The following TRIM72 variants were observed in gnomAD, a reference collection of about 807,000 sequenced individuals.
TRIM72 encodes the protein tripartite motif containing 72, also known as tripartite motif-containing protein 72.
TRIM72 carries 33 observed loss-of-function variants against 31.6 expected under a neutral mutation model. The ratio of observed to expected loss-of-function variants is 1.04; its 90% confidence interval spans 0.79 to 1.40. The LOEUF (loss-of-function observed/expected upper bound fraction) is 1.40. Ranked by LOEUF, TRIM72 falls within the 40% of genes most tolerant of loss-of-function variation. The pLI is 0.00. For missense variants in TRIM72, 666 were observed against 682.7 expected (o/e 0.98, Z 0.27); for synonymous variants, 301 against 314.4 (o/e 0.96, Z 0.45).
chr16:31,215,076 C>A lies in TRIM72; in HGVS notation c.338C>A (p.Ser113Ter). The A allele has an allele frequency of 6.9e-7, 1 of 1,455,086 alleles. No individual in the cohort carries two copies. The highest frequency in any genetic ancestry group is 9.0e-7 in the Non-Finnish European group (1 of 1,113,604). The allele number at this position is 1,455,086 out of a possible 1,614,324, so 90.1% of individuals were successfully genotyped here. Residue 113 changes from serine (S) to a stop codon, truncating the protein, a stop_gained, in exon 2 of 7, where the codon TCG (serine) becomes TAG (stop). Coordinates refer to ENST00000322122, the MANE Select transcript of TRIM72 (RefSeq NM_001008274.4). LOFTEE classifies it high-confidence loss of function. This position sits in a 1 kb window ranked among gnomAD's most constrained non-coding sequence, Gnocchi z 6.3. ...LVCGVCASLGSHRGHRLLPAA... is the reference protein window; with the variant it reads ...LVCGVCASLG ...TGCGGAGTGTGCGCCTCACTCGGCT[C>A]GCACCGCGGTCATCGCCTCCTGCCT...
rs775103425 is a variant in TRIM72 at position 31,216,770 on chromosome 16, G to A, written c.390+1642G>A. On this transcript the variant is annotated intron_variant, in intron 2 of 6. Coordinates refer to ENST00000322122, the MANE Select transcript of TRIM72 (RefSeq NM_001008274.4). The surrounding 1 kb of genome is among the most constrained non-coding windows in gnomAD (Gnocchi z 6.7). ...GCTCAGAGTGGCCCTCACGCAGCCC[G>A]CTGCAGCCGTGCGGCCTCCTCCAAC... 8 of 1,601,494 alleles carry A rather than the reference G, an allele frequency of 5.0e-6. No homozygotes were observed. In the South Asian group the frequency reaches 7.7e-5, roughly 15 times the overall value.
Position 31,216,475 on chromosome 16 carries a change from T to G in TRIM72, c.390+1347T>G. 1 of 404,628 alleles carries G rather than the reference T, an allele frequency of 2.5e-6. No individual in the cohort carries two copies. The highest frequency in any genetic ancestry group is 4.4e-6 in the Non-Finnish European group (1 of 229,234). The allele number at this position is 404,628 out of a possible 1,614,324, so 25.1% of individuals were successfully genotyped here. A position where few individuals can be genotyped will look rare whatever the true frequency, so the allele number is the denominator to read the frequency against. On this transcript the variant is annotated intron_variant, in intron 2 of 6. Coordinates refer to ENST00000322122, the MANE Select transcript of TRIM72 (RefSeq NM_001008274.4). The surrounding 1 kb of genome is among the most constrained non-coding windows in gnomAD (Gnocchi z 6.7). ...AAAAAAACCCAACCTCGCCCAACCT[T>G]GCCCGTCTTTATCTGCGAAGAAAGC... is the stretch of plus-strand genomic sequence containing the variant.
At position 31,216,575 on chromosome 16, in the gene TRIM72, C is replaced by T. The variant is rs1418783414; in HGVS notation, c.390+1447C>T. Among the ~76,000 whole-genome samples the T allele has an allele frequency of 6.6e-6, 1 of 152,188 alleles. No homozygotes were observed. ...GGGGGCAGTGGGGCGAGATGCAGCC[C>T]ACCAGGGTTCGCGGCAGCCCAGCCC... On this transcript the variant is annotated intron_variant, in intron 2 of 6. Coordinates refer to ENST00000322122, the MANE Select transcript of TRIM72 (RefSeq NM_001008274.4). The surrounding 1 kb of genome is among the most constrained non-coding windows in gnomAD (Gnocchi z 6.7).
Position 31,231,527 on chromosome 16 carries a change from CAT to C in TRIM72, c.*6774_*6775del, listed in dbSNP as rs1209484137. ...GATGTCACGTTCCCATTAAAACAAA[CAT>C]AGAGTACAGAATCTGTGTGAATTTT... On this transcript the variant is annotated 3_prime_UTR_variant, in exon 7 of 7. Transcript: ENST00000322122. 2.6e-5 allele frequency: 4 copies of C among 152,110 alleles called. No individual in the cohort carries two copies. The highest frequency in any genetic ancestry group is 4.4e-5 in the Non-Finnish European group (3 of 68,032). 9.4% of individuals were successfully genotyped at this position (152,110 alleles called of 1,614,324 possible).
rs1458601581 is a variant in TRIM72 at position 31,219,067 on chromosome 16, C to T, written c.391-28C>T. ...GTGGGTTTTGGGTGGGTGGCATCCC[C>T]ATCACTTCTCCATGCCTCGACCCCC... On this transcript the variant is annotated intron_variant, in intron 2 of 6. Transcript: ENST00000322122. The surrounding 1 kb of genome is among the most constrained non-coding windows in gnomAD (Gnocchi z 4.2). The T allele has an allele frequency of 6.5e-7, 1 of 1,549,590 alleles. No individual in the cohort carries two copies. Among genetic ancestry groups the T allele is most frequent in the Non-Finnish European group, 8.7e-7 (1 of 1,145,660 alleles).
At position 31,224,590 on chromosome 16, in the gene TRIM72, C is replaced by T; in HGVS notation, c.1269C>T (p.Val423=). ...IGLYLSFGDG[V]LSFYDASDAD... Reference sequence around the variant, plus strand: ...TTTACCTGAGCTTCGGCGACGGCGTCCTCTCCTTCTACGATGCCAGCGACG... The same window carrying T: ...TTTACCTGAGCTTCGGCGACGGCGTTCTCTCCTTCTACGATGCCAGCGACG... Residue 423 remains valine, a synonymous_variant, in exon 7 of 7, where the codon GTC becomes GTT. Coordinates refer to ENST00000322122, the MANE Select transcript of TRIM72 (RefSeq NM_001008274.4). 1 of 1,555,806 alleles carries T rather than the reference C, an allele frequency of 6.4e-7. No individual in the cohort carries two copies. The highest frequency in any genetic ancestry group is 1.2e-5 in the South Asian group (1 of 85,848).
chr16:31,222,116 G>C (rs2079536813), intron 5 of TRIM72, among the ~76,000 whole-genome samples: 1 of 152,146 alleles, frequency 6.6e-6, no homozygotes, highest in African/African-American at 2.4e-5. Context: ...AGTTGGGCCG[G>C]GTGCAGTGGC....
At position 31,224,196 on chromosome 16, in the gene TRIM72, C is replaced by T. The variant is rs150087468; in HGVS notation, c.875C>T (p.Thr292Ile). The T allele has an allele frequency of 3.7e-5, 59 of 1,603,074 alleles. No individual in the cohort carries two copies. The African/African-American group carries it at 6.8e-4, about 19-fold the overall frequency. The change falls in exon 7 of 7, where the codon ACC (threonine) becomes ATC (isoleucine). Residue 292 changes from threonine (T) to isoleucine (I), a missense_variant. Transcript: ENST00000322122. ...TCTCTGGCAGCGCTGGAGGAGCTGACCTTTGACCCGAGCTCTGCGCACCCG... is the reference window on the plus strand; with the variant it reads ...TCTCTGGCAGCGCTGGAGGAGCTGATCTTTGACCCGAGCTCTGCGCACCCG... ...RALMPALEEL[T>I]FDPSSAHPSL...
Position 31,216,934 on chromosome 16 carries a change from A to G in TRIM72, c.390+1806A>G. 1 of 1,614,110 alleles carries G rather than the reference A, an allele frequency of 6.2e-7. No individual in the cohort carries two copies. The highest frequency in any genetic ancestry group is 8.5e-7 in the Non-Finnish European group (1 of 1,180,024). The stretch of plus-strand genomic sequence containing the variant: ...CGGGATGCGCTCAAAGCCCTCGCGC[A>G]GCGGCACCGTCCCCAGCTTCATCTT... On this transcript the variant is annotated intron_variant, in intron 2 of 6. Coordinates refer to ENST00000322122, the MANE Select transcript of TRIM72 (RefSeq NM_001008274.4). The surrounding 1 kb of genome is among the most constrained non-coding windows in gnomAD (Gnocchi z 6.7).
chr16:31,219,135 G>A lies in TRIM72; in HGVS notation c.431G>A (p.Cys144Tyr). The A allele has an allele frequency of 6.2e-7, 1 of 1,601,156 alleles. No individual in the cohort carries two copies. The highest frequency in any genetic ancestry group is 1.3e-5 in the African/African-American group (1 of 74,908). Residue 144 changes from cysteine to tyrosine, a missense_variant, in exon 3 of 7, where the codon TGC (cysteine) becomes TAC (tyrosine). Cys to Tyr is a radical substitution (Grantham distance 194). Transcript: ENST00000322122. The surrounding 1 kb of genome is among the most constrained non-coding windows in gnomAD (Gnocchi z 4.2). ...PQQKLQLQEACMRKEKSVAVL... is the reference protein window; with the variant it reads ...PQQKLQLQEAYMRKEKSVAVL... ...CAGAAACTGCAGCTGCAGGAGGCAT[G>A]CATGCGCAAGGAGAAGAGTGTGGCT...
chr16:31,222,604 C>A (rs1399107162), intron 5 of TRIM72, among the ~76,000 whole-genome samples: 1 of 151,490 alleles, frequency 6.6e-6, no homozygotes, highest in Non-Finnish European at 1.5e-5. Flanking sequence ...CTACCTCGCT[C>A]ATTTTAAGCA....
At position 31,224,282 on chromosome 16, in the gene TRIM72, G is replaced by T; in HGVS notation, c.961G>T (p.Ala321Ser). ...VECSEQKAPP[A>S]GEDPRQFDKA... The stretch of plus-strand genomic sequence containing the variant: ...GTGCTCGGAGCAGAAGGCGCCGCCG[G>T]CCGGGGAGGACCCGCGCCAGTTCGA... The change falls in exon 7 of 7, where the codon GCC becomes TCC. Residue 321 changes from alanine to serine, a missense_variant. Transcript: ENST00000322122. The T allele has an allele frequency of 6.2e-7, 1 of 1,603,668 alleles. No individual in the cohort carries two copies.
Position 31,224,846 on chromosome 16 carries a change from G to A in TRIM72, c.*91G>A. The A allele has an allele frequency of 7.6e-7, 1 of 1,309,672 alleles. No individual in the cohort carries two copies. 81.1% of individuals were successfully genotyped at this position (1,309,672 alleles called of 1,614,324 possible). A position where few individuals can be genotyped will look rare whatever the true frequency, so the allele number is the denominator to read the frequency against. On this transcript the variant is annotated 3_prime_UTR_variant, in exon 7 of 7. Transcript: ENST00000322122. ...CTGACGGGAGAAGGGTGGGGAGCGGGTTGCCAGGGCCCAGGGGGCTGGGAA... is the reference window on the plus strand; with the variant it reads ...CTGACGGGAGAAGGGTGGGGAGCGGATTGCCAGGGCCCAGGGGGCTGGGAA...
intron 2 of TRIM72, among the ~76,000 whole-genome samples, chr16:31,218,174 C>T (rs982015857): frequency 2.0e-5 from 3 of 152,074 alleles, no homozygotes; most frequent in Admixed American, 6.6e-5. Context: ...TTGTCATCCT[C>T]GCAAAGACCT....
At chr16:31,218,999 G>A in intron 2 of TRIM72, 96 bp from the exon 3 acceptor site, 1 of 1,124,520 alleles carries the variant, frequency 8.9e-7, no homozygotes, top group Non-Finnish European at 1.3e-6. Context: ...GGAGGAGCTG[G>A]CATTGAGGTT....
chr16:31,224,328 C>G lies in TRIM72; in HGVS notation c.1007C>G (p.Ala336Gly). 6.3e-7 allele frequency: 1 copy of G among 1,594,154 alleles called. No homozygotes were observed. The highest frequency in any genetic ancestry group is 1.1e-5 in the South Asian group (1 of 89,288). ...TTCGACAAGGCGGTGGCGGTGGTGG[C>G]GCACCAGCAGCTCTCCGAGGGCGAG... is the stretch of plus-strand genomic sequence containing the variant. ...RQFDKAVAVV[A>G]HQQLSEGEHY... Residue 336 changes from alanine to glycine, a missense_variant, in exon 7 of 7, where the codon GCG (alanine) becomes GGG (glycine). Transcript: ENST00000322122.
rs140739096 is a variant in TRIM72 at position 31,222,931 on chromosome 16, G to C, written c.845G>C (p.Arg282Pro). The C allele has an allele frequency of 1.3e-6, 2 of 1,577,726 alleles. No homozygotes were observed. The highest frequency in any genetic ancestry group is 1.7e-6 in the Non-Finnish European group (2 of 1,164,718). The change falls in exon 6 of 7, where the codon CGG becomes CCG. Residue 282 changes from arginine (R) to proline (P), a missense_variant. Coordinates refer to ENST00000322122, the MANE Select transcript of TRIM72 (RefSeq NM_001008274.4). ...TTCCAGGTGTGGAGGAAGATGTTCC[G>C]GGCTCTGATGCCAGGTACCGGGAGG... Reference protein sequence around the residue: ...FKFQVWRKMFRALMPALEELT... With the variant: ...FKFQVWRKMFPALMPALEELT...
In TRIM72 at chr16:31,220,900, A is replaced by G. The variant is rs1037370861; in HGVS notation, c.722A>G (p.Tyr241Cys). Residue 241 changes from tyrosine (Y) to cysteine (C), a missense_variant, in exon 5 of 7, where the codon TAC becomes TGC. Physicochemically the swap from Tyr to Cys is radical, Grantham distance 194. Transcript: ENST00000322122. ...TCTCTTTTTCTCTCTCTCCAGAAAT[A>G]CTGCCTGGTGACCAGCAGGTGAGAG... ...DKPQTEFLMKYCLVTSRLQKI... is the reference protein window; with the variant it reads ...DKPQTEFLMKCCLVTSRLQKI... The G allele has an allele frequency of 1.2e-6, 2 of 1,613,952 alleles. No individual in the cohort carries two copies. The highest frequency in any genetic ancestry group is 1.7e-6 in the Non-Finnish European group (2 of 1,180,022).
intron 5 of TRIM72, among the ~76,000 whole-genome samples, chr16:31,221,819 T>G (rs2079535659): frequency 6.8e-6 from 1 of 146,844 alleles, no homozygotes; most frequent in African/African-American, 2.6e-5. Context: ...AGGGTATTGC[T>G]GGGAGAAGAA....
Sources: allele counts gnomAD v4.1 joint callset (sites outside exome capture counted in the v4.1 genomes callset), GRCh38; gene constraint gnomAD v4.1.1; non-coding constraint Gnocchi (gnomAD v3.1); transcripts MANE v1.5; gene names NCBI Gene and HGNC (gene_info 2026-07-23, HGNC 2026-07-21).